LASP1: variants seen among roughly 807,000 people sequenced by gnomAD.
LASP1 encodes the protein LIM and SH3 protein 1.
In LASP1, 10 loss-of-function variants were observed where a neutral mutation model predicts 38.6. The observed-to-expected ratio is 0.26, with a 90% confidence interval of 0.16 to 0.44. The LOEUF is 0.44. Among genes scored for constraint, LASP1 ranks in the 20% least tolerant of loss-of-function variants. The probability of loss-of-function intolerance (pLI) is 1.00; values close to 1 mark genes in which losing one functional copy is unlikely to be tolerated. For missense variants in LASP1, 243 were observed against 375.7 expected (o/e 0.65, Z 2.92); for synonymous variants, 132 against 140.8 (o/e 0.94, Z 0.44).
chr17:38,890,286 G>A (rs1914269161), intron 2 of LASP1, 134 bp from the exon 3 acceptor site: 1 of 720,422 alleles, frequency 1.4e-6, no homozygotes, highest in Non-Finnish European at 2.4e-6. Flanking sequence ...GGACACTGAA[G>A]TCCTCCTGTG....
chr17:38,914,510 G>A lies in LASP1; in HGVS notation c.508+35G>A, dbSNP rs372762316. 25 of 1,562,662 alleles carry A rather than the reference G, an allele frequency of 1.6e-5. No homozygotes were observed. The African/African-American group carries it at 2.7e-4, about 17-fold the overall frequency. Reference sequence around the variant, plus strand: ...GGTCCTGTTGGTGCAGATGACCTGAGGCGAGGCCAGTGGGGTGGGGAGGAA... The same window carrying A: ...GGTCCTGTTGGTGCAGATGACCTGAAGCGAGGCCAGTGGGGTGGGGAGGAA... On this transcript the variant is annotated intron_variant, in intron 5 of 6. Coordinates refer to ENST00000318008, the MANE Select transcript of LASP1 (RefSeq NM_006148.4).
chr17:38,889,332 A>G (rs1417086112), intron 2 of LASP1, among the ~76,000 whole-genome samples: 1 of 152,142 alleles, frequency 6.6e-6, no homozygotes, highest in Non-Finnish European at 1.5e-5. Context: ...GGGTTTCAGC[A>G]TATTGACCAG....
At position 38,870,267 on chromosome 17, in the gene LASP1, G is replaced by T; in HGVS notation, c.69+9G>T. On this transcript the variant is annotated intron_variant, in intron 1 of 6. Coordinates refer to ENST00000318008, the MANE Select transcript of LASP1 (RefSeq NM_006148.4). ...TGAACTGTCTGGATAAGGTGAGCCCGGGACCGGGAGACGCGTCTTTGCAAT... is the reference window on the plus strand; with the variant it reads ...TGAACTGTCTGGATAAGGTGAGCCCTGGACCGGGAGACGCGTCTTTGCAAT... 6.2e-7 allele frequency: 1 copy of T among 1,613,328 alleles called. No homozygotes were observed. Among genetic ancestry groups the T allele is most frequent in the Non-Finnish European group, 8.5e-7 (1 of 1,179,572 alleles).
At position 38,920,390 on chromosome 17, in the gene LASP1, GAA is replaced by G. The variant is rs769573819; in HGVS notation, c.*1614_*1615del. The G allele has an allele frequency of 3.2e-5, 11 of 342,656 alleles. No individual in the cohort carries two copies. Among genetic ancestry groups the G allele is most frequent in the Non-Finnish European group, 6.2e-5 (11 of 177,480 alleles). 21.2% of individuals were successfully genotyped at this position (342,656 alleles called of 1,614,324 possible). A position where few individuals can be genotyped will look rare whatever the true frequency, so the allele number is the denominator to read the frequency against. ...AAGCACAGCCTCGGGGATGGGGAGG[GAA>G]AGACGGTGCTATATCCAGTTCCTGC... On this transcript the variant is annotated 3_prime_UTR_variant, in exon 7 of 7. Transcript: ENST00000318008.
Position 38,921,528 on chromosome 17 carries a change from A to G in LASP1, c.*2750A>G, listed in dbSNP as rs1459748136. On this transcript the variant is annotated 3_prime_UTR_variant, in exon 7 of 7. Coordinates refer to ENST00000318008, the MANE Select transcript of LASP1 (RefSeq NM_006148.4). ...AAAAGAAACAGAAATGACCACGTGAAATTTGCCTCTGTCCAAACATTTCAT... is the reference window on the plus strand; with the variant it reads ...AAAAGAAACAGAAATGACCACGTGAGATTTGCCTCTGTCCAAACATTTCAT... 1 of 232,882 alleles carries G rather than the reference A, an allele frequency of 4.3e-6. No individual in the cohort carries two copies. The highest frequency in any genetic ancestry group is 6.0e-5 in the East Asian group (1 of 16,540). 14.4% of individuals were successfully genotyped at this position (232,882 alleles called of 1,614,324 possible).
In LASP1 at chr17:38,920,028, T is replaced by G; in HGVS notation, c.*1250T>G. On this transcript the variant is annotated 3_prime_UTR_variant, in exon 7 of 7. Transcript: ENST00000318008. Reference sequence around the variant, plus strand: ...GGGAGGGCTCCTGGGGCAGAGAAGTTCCTTAGGTTTTCTTTGGAATGAAAT... The same window carrying G: ...GGGAGGGCTCCTGGGGCAGAGAAGTGCCTTAGGTTTTCTTTGGAATGAAAT... 3.7e-6 allele frequency: 2 copies of G among 535,844 alleles called. No homozygotes were observed. The highest frequency in any genetic ancestry group is 7.2e-6 in the Non-Finnish European group (2 of 276,772). 33.2% of individuals were successfully genotyped at this position (535,844 alleles called of 1,614,324 possible).
chr17:38,883,846 T>C (rs781587344), intron 2 of LASP1, among the ~76,000 whole-genome samples: 7 of 144,280 alleles, frequency 4.9e-5, no homozygotes, highest in African/African-American at 1.5e-4. Context: ...TTTCCTCTGA[T>C]TGAACAATGC....
intron 3 of LASP1, among the ~76,000 whole-genome samples, chr17:38,892,387 C>CAGGGAACACCACAGCCTGCCTGGCCA (rs1295840043): frequency 1.3e-5 from 2 of 152,178 alleles, no homozygotes; most frequent in Non-Finnish European, 2.9e-5. Flanking sequence ...TACTAGGAAG[C>CAGGGAACACCACAGCCTGCCTGGCCA]AGGGAACACC....
intron 4 of LASP1, among the ~76,000 whole-genome samples, chr17:38,909,140 G>A (rs576889863): frequency 9.2e-5 from 14 of 152,354 alleles, no homozygotes; most frequent in Admixed American, 8.5e-4. Flanking sequence ...GGAAGGACCA[G>A]TTTCTCTCCT....
At chr17:38,898,967 C>T in intron 4 of LASP1, 1 of 355,626 alleles carries the variant, frequency 2.8e-6, no homozygotes, top group East Asian at 7.4e-5. Context: ...CCTGCTCTTC[C>T]TTCCTGTGTA....
intron 4 of LASP1, among the ~76,000 whole-genome samples, chr17:38,909,920 G>C (rs575632645): frequency 6.6e-6 from 1 of 152,062 alleles, no homozygotes; most frequent in South Asian, 2.1e-4. Context: ...ATTAAGTTTT[G>C]TATTTTCAGT....
intron 2 of LASP1, among the ~76,000 whole-genome samples, chr17:38,889,135 T>C (rs531762175): frequency 1.3e-5 from 2 of 152,188 alleles, no homozygotes; most frequent in South Asian, 2.1e-4. Context: ...TGTTTTGTTT[T>C]GTTTTTTCTT....
chr17:38,919,073 C>T lies in LASP1; in HGVS notation c.*295C>T, dbSNP rs2143840692. On this transcript the variant is annotated 3_prime_UTR_variant, in exon 7 of 7. Transcript: ENST00000318008. ...GGGAGACCTGTTGGCCTGTGGGCCT[C>T]ACCTGCCCCTCTGTTCTCTCCCCTC... 2 of 451,818 alleles carry T rather than the reference C, an allele frequency of 4.4e-6. No homozygotes were observed. The highest frequency in any genetic ancestry group is 7.9e-5 in the East Asian group (2 of 25,314). 28.0% of individuals were successfully genotyped at this position (451,818 alleles called of 1,614,324 possible). A position where few individuals can be genotyped will look rare whatever the true frequency, so the allele number is the denominator to read the frequency against.
chr17:38,873,348 G>A (rs1416665535), intron 1 of LASP1, among the ~76,000 whole-genome samples: 5 of 152,090 alleles, frequency 3.3e-5, no homozygotes, highest in South Asian at 2.1e-4. Context: ...TAGTTATCAC[G>A]ATATGCTGGG....
At chr17:38,916,874 A>AG (rs1338808682) in intron 6 of LASP1, 2 of 152,132 alleles carry the variant, frequency 1.3e-5, no homozygotes. Flanking sequence ...AAAAAAAAAA[A>AG]GAAAAAAAAG....
intron 4 of LASP1, chr17:38,899,012 C>A: frequency 2.9e-6 from 1 of 347,242 alleles, no homozygotes; most frequent in Non-Finnish European, 5.7e-6. Flanking sequence ...CAGCCCTGCA[C>A]CCCCTGGCTC....
At chr17:38,893,947 C>A (rs1210245120) in intron 3 of LASP1, among the ~76,000 whole-genome samples, 1 of 152,248 alleles carries the variant, frequency 6.6e-6, no homozygotes, top group East Asian at 1.9e-4. Flanking sequence ...CTTGCCCTTC[C>A]CTGTCTCTGG....
Position 38,870,913 on chromosome 17 carries a change from C to T in LASP1, c.69+655C>T, listed in dbSNP as rs1026068738. Among the ~76,000 whole-genome samples the T allele has an allele frequency of 5.9e-5, 9 of 152,238 alleles. No individual in the cohort carries two copies. The South Asian group carries it at 1.9e-3, about 31-fold the overall frequency. On this transcript the variant is annotated intron_variant, in intron 1 of 6. Coordinates refer to ENST00000318008, the MANE Select transcript of LASP1 (RefSeq NM_006148.4). ...GCAGACCTCCTCCACAGCTTCCCAA[C>T]CCCCACCTCCAATTAAAAGCCAACT...
At chr17:38,913,608 C>T (rs1915019042) in intron 4 of LASP1, among the ~76,000 whole-genome samples, 3 of 152,172 alleles carry the variant, frequency 2.0e-5, no homozygotes, top group East Asian at 1.9e-4. Flanking sequence ...ACACCTAGCA[C>T]GGCCCTGGCG....
Sources: allele counts gnomAD v4.1 joint callset (sites outside exome capture counted in the v4.1 genomes callset), GRCh38; gene constraint gnomAD v4.1.1; transcripts MANE v1.5; gene names NCBI Gene and HGNC (gene_info 2026-07-23, HGNC 2026-07-21).